KIF5C: variants seen among roughly 807,000 people sequenced by gnomAD.
KIF5C encodes the protein kinesin heavy chain isoform 5C.
A neutral mutation model predicts 125.2 loss-of-function variants in KIF5C; 18 were observed. The ratio of observed to expected loss-of-function variants is 0.14; its 90% CI spans 0.10 to 0.21. KIF5C has a LOEUF of 0.21. KIF5C is among the 10% of genes least tolerant of loss of function. The pLI, the probability that KIF5C is intolerant of heterozygous loss-of-function variation, is 1.00. For missense variants in KIF5C, 780 were observed against 1,183.8 expected (o/e 0.66, Z 5.01); for synonymous variants, 405 against 434.0 (o/e 0.93, Z 0.83).
intron 11 of KIF5C, among the ~76,000 whole-genome samples, chr2:148,964,318 C>T (rs960586595): frequency 6.6e-6 from 1 of 151,930 alleles, no homozygotes; most frequent in African/African-American, 2.4e-5. Context: ...TTTCTGTGCC[C>T]TCTTGGGTGA....
intron 1 of KIF5C, among the ~76,000 whole-genome samples, chr2:148,919,287 T>C (rs1374340394): frequency 6.6e-6 from 1 of 152,134 alleles, no homozygotes; most frequent in Admixed American, 6.6e-5. Flanking sequence ...GCAAAGGACA[T>C]TGATGGAGGT....
intron 1 of KIF5C, among the ~76,000 whole-genome samples, chr2:148,894,361 T>A (rs996362166): frequency 1.1e-4 from 16 of 152,194 alleles, no homozygotes; most frequent in African/African-American, 3.9e-4. Flanking sequence ...TGCAACTTGC[T>A]AGTCATAAAA....
intron 8 of KIF5C, 79 bp from the exon 9 acceptor site, chr2:148,949,760 G>C: frequency 1.3e-6 from 2 of 1,530,964 alleles, no homozygotes; most frequent in South Asian, 2.5e-5. Flanking sequence ...GTCCCCCTTT[G>C]CCCTCGTGTG....
chr2:149,023,725 C>T lies in KIF5C; in HGVS notation c.*655C>T, dbSNP rs1393261201. 2.0e-5 allele frequency: 3 copies of T among 152,450 alleles called. No homozygotes were observed. Among genetic ancestry groups the T allele is most frequent in the African/African-American group, 7.2e-5 (3 of 41,452 alleles). 9.4% of individuals were successfully genotyped at this position (152,450 alleles called of 1,614,324 possible). On this transcript the variant is annotated 3_prime_UTR_variant, in exon 26 of 26. Transcript: ENST00000435030. ...AGTAGCAGTGTAGAATTTGTTCATT[C>T]AAATACATCTGTGTAAATGCAAAAA... is the stretch of plus-strand genomic sequence containing the variant.
chr2:148,955,677 T>C (rs1191599744), intron 10 of KIF5C, among the ~76,000 whole-genome samples: 2 of 152,268 alleles, frequency 1.3e-5, no homozygotes, highest in South Asian at 2.1e-4. Flanking sequence ...CATCTGTCTT[T>C]ATCTTTCTCC....
In KIF5C at chr2:149,014,017, C is replaced by T. The variant is rs141054841; in HGVS notation, c.*7+2334C>T. Reference sequence around the variant, plus strand: ...ACATGTGCCATGATGGTTTGCTGCACCCATCAACCCATCATCATCTTTTCG... The same window carrying T: ...ACATGTGCCATGATGGTTTGCTGCATCCATCAACCCATCATCATCTTTTCG... On this transcript the variant is annotated intron_variant, in intron 25 of 25. Transcript: ENST00000435030. Among the ~76,000 whole-genome samples, 767 of 152,230 alleles carry T rather than the reference C, an allele frequency of 5.0e-3. 5 individuals are homozygous for T. The highest frequency in any genetic ancestry group is 0.015 in the African/African-American group (624 of 41,534).
At chr2:149,018,210 G>C (rs1020137126) in intron 25 of KIF5C, among the ~76,000 whole-genome samples, 1 of 152,184 alleles carries the variant, frequency 6.6e-6, no homozygotes, top group African/African-American at 2.4e-5. Context: ...GATCATTTCA[G>C]CTGGAGAGTT....
intron 11 of KIF5C, among the ~76,000 whole-genome samples, chr2:148,971,837 A>AT (rs1680920989): frequency 6.6e-6 from 1 of 152,214 alleles, no homozygotes. Context: ...ATATTGAGAT[A>AT]AATGTGTACA....
chr2:148,950,116 G>C (rs551024969), intron 9 of KIF5C, among the ~76,000 whole-genome samples, 173 bp downstream of exon 9: 53 of 152,288 alleles, frequency 3.5e-4, no homozygotes, highest in African/African-American at 1.3e-3. Flanking sequence ...CTACTAAAAA[G>C]TATGAATGGT....
In KIF5C at chr2:148,962,085, G is replaced by A. The variant is rs762955126; in HGVS notation, c.1083G>A (p.Gln361=). 4.3e-6 allele frequency: 7 copies of A among 1,612,154 alleles called. No individual in the cohort carries two copies. The highest frequency in any genetic ancestry group is 5.1e-6 in the Non-Finnish European group (6 of 1,178,998). Residue 361 remains glutamine (Q), a synonymous_variant, in exon 11 of 26, where the codon CAG becomes CAA. Coordinates refer to ENST00000435030, the MANE Select transcript of KIF5C (RefSeq NM_004522.3). ...EKNKTLKNVI[Q]HLEMELNRWR... is the part of the protein sequence containing the mutation. ...ACAAGACTTTGAAGAATGTTATCCA[G>A]CATCTGGAGATGGAGCTAAACAGGT...
intron 22 of KIF5C, among the ~76,000 whole-genome samples, chr2:149,005,901 T>G (rs556021333): frequency 1.3e-5 from 2 of 152,334 alleles, no homozygotes; most frequent in South Asian, 4.1e-4. Flanking sequence ...ATCCAGTATT[T>G]TATTTGCTTT....
chr2:148,998,622 G>A, intron 19 of KIF5C, 113 bp downstream of exon 19: 4 of 1,478,014 alleles, frequency 2.7e-6, no homozygotes, highest in Non-Finnish European at 3.6e-6. Context: ...TGCCCTGTGG[G>A]CACTGCCCTG....
At chr2:148,880,635 T>G (rs1681321822) in intron 1 of KIF5C, among the ~76,000 whole-genome samples, 1 of 152,232 alleles carries the variant, frequency 6.6e-6, no homozygotes, top group East Asian at 1.9e-4. Context: ...CAGTAACATT[T>G]TAAACCAAAG....
chr2:149,003,166 T>G (rs1681908465), intron 21 of KIF5C, among the ~76,000 whole-genome samples: 1 of 152,234 alleles, frequency 6.6e-6, no homozygotes, highest in Admixed American at 6.5e-5. Context: ...CTCGGATGTT[T>G]TCACTCAGCC....
intron 1 of KIF5C, among the ~76,000 whole-genome samples, chr2:148,919,359 A>C (rs1039019756): frequency 6.6e-6 from 1 of 152,236 alleles, no homozygotes; most frequent in Non-Finnish European, 1.5e-5. Context: ...TCGTGTCTCC[A>C]GAAGGAGTGA....
Position 148,946,886 on chromosome 2 carries a change from T to C in KIF5C, c.590-13T>C, listed in dbSNP as rs1479236431. The C allele has an allele frequency of 1.9e-6, 3 of 1,610,828 alleles. No homozygotes were observed. On this transcript the variant is annotated splice_polypyrimidine_tract_variant and intron_variant, in intron 7 of 25. Transcript: ENST00000435030. ...ATGTTCTTTGTAGAGCAGTAAACTA[T>C]TTTCCTTTTCAGACATGAATGAACA... is the stretch of plus-strand genomic sequence containing the variant.
At chr2:148,881,314 A>G (rs1355944599) in intron 1 of KIF5C, among the ~76,000 whole-genome samples, 1 of 152,130 alleles carries the variant, frequency 6.6e-6, no homozygotes, top group Non-Finnish European at 1.5e-5. Flanking sequence ...CTATCCTTGA[A>G]GGCAAAACTC....
chr2:149,020,281 T>A (rs1574843406), intron 25 of KIF5C: 1 of 152,286 alleles, frequency 6.6e-6, no homozygotes. Flanking sequence ...CCTGTAGAGA[T>A]CCTTAACTGG....
chr2:148,964,307 T>C (rs1287420921), intron 11 of KIF5C, among the ~76,000 whole-genome samples: 1 of 151,818 alleles, frequency 6.6e-6, no homozygotes, highest in Non-Finnish European at 1.5e-5. Flanking sequence ...AAATGTGCTG[T>C]TTTCTGTGCC....
Sources: allele counts gnomAD v4.1 joint callset (sites outside exome capture counted in the v4.1 genomes callset), GRCh38; gene constraint gnomAD v4.1.1; transcripts MANE v1.5; gene names NCBI Gene and HGNC (gene_info 2026-07-23, HGNC 2026-07-21).